UBAP1: variants seen among roughly 807,000 people sequenced by gnomAD.
UBAP1 encodes the protein ubiquitin associated protein 1.
UBAP1 carries 5 observed loss-of-function variants against 39.0 expected under a neutral mutation model. The ratio of observed to expected loss-of-function variants is 0.13; its 90% confidence interval spans 0.07 to 0.27. The LOEUF is 0.27. UBAP1 is among the 10% of genes least tolerant of loss of function. UBAP1 has a pLI of 1.00. For synonymous variants in UBAP1, 211 were observed against 225.1 expected, an observed-to-expected ratio of 0.94 and a Z score of 0.56; for missense variants, 490 against 608.1, an observed-to-expected ratio of 0.81 and a Z score of 2.04.
intron 1 of UBAP1, among the ~76,000 whole-genome samples, chr9:34,198,437 T>G (rs1229721699): frequency 6.6e-6 from 1 of 151,966 alleles, no homozygotes; most frequent in African/African-American, 2.4e-5. Flanking sequence ...TCCTGTGGAG[T>G]TGGAGTTTCA....
chr9:34,219,238 A>T (rs1327400348), intron 1 of UBAP1, among the ~76,000 whole-genome samples: 1 of 151,930 alleles, frequency 6.6e-6, no homozygotes, highest in Non-Finnish European at 1.5e-5. Flanking sequence ...ACAGGCATGC[A>T]ACACCACACC....
intron 3 of UBAP1, among the ~76,000 whole-genome samples, chr9:34,238,955 G>A (rs1290495844): frequency 6.6e-6 from 1 of 152,190 alleles, no homozygotes; most frequent in Non-Finnish European, 1.5e-5. Context: ...TGCTCACTGT[G>A]CTCATAGCAC....
chr9:34,193,360 C>T (rs904476323), intron 1 of UBAP1, among the ~76,000 whole-genome samples: 2 of 151,806 alleles, frequency 1.3e-5, no homozygotes, highest in African/African-American at 2.4e-5. Context: ...TCTCAAACCA[C>T]GTTCTTCCTC....
chr9:34,222,840 G>T lies in UBAP1; in HGVS notation c.34+1892G>T, dbSNP rs111434630. Among the ~76,000 whole-genome samples the T allele has an allele frequency of 5.2e-3, 784 of 151,328 alleles. 5 individuals carry two copies. Among genetic ancestry groups the T allele is most frequent in the African/African-American group, 0.018 (758 of 41,272 alleles). ...ATTCTTGCCACTGAGCTTAAGAAAA[G>T]AAAAAGGGAAAAAAAGGCAGATCTG... On this transcript the variant is annotated intron_variant, in intron 2 of 6. Coordinates refer to ENST00000297661, the MANE Select transcript of UBAP1 (RefSeq NM_016525.5).
At chr9:34,227,471 T>C (rs1041125862) in intron 2 of UBAP1, among the ~76,000 whole-genome samples, 1 of 152,224 alleles carries the variant, frequency 6.6e-6, no homozygotes, top group Non-Finnish European at 1.5e-5. Flanking sequence ...AATTAAATAT[T>C]ATGCATTTGC....
intron 3 of UBAP1, among the ~76,000 whole-genome samples, chr9:34,240,768 T>A (rs1219135997): frequency 1.3e-5 from 2 of 152,186 alleles, no homozygotes; most frequent in Non-Finnish European, 2.9e-5. Context: ...TGGTTGTAGA[T>A]CCTGTTAAGT....
intron 1 of UBAP1, among the ~76,000 whole-genome samples, chr9:34,207,675 A>T: frequency 6.7e-6 from 1 of 149,328 alleles, no homozygotes; most frequent in South Asian, 2.1e-4. Flanking sequence ...TTTTTTTTTA[A>T]AGAGATGGGA....
chr9:34,242,164 G>GT, intron 4 of UBAP1, 56 bp downstream of exon 4: 4 of 1,491,902 alleles, frequency 2.7e-6, no homozygotes, highest in Non-Finnish European at 2.7e-6. Context: ...CAGGGATTAT[G>GT]TTTTTTCTTG....
At chr9:34,224,076 G>A in intron 2 of UBAP1, 1 of 633,780 alleles carries the variant, frequency 1.6e-6, no homozygotes, top group Non-Finnish European at 2.7e-6. Context: ...CACTGTCCCG[G>A]CCTTGAAGTG....
intron 2 of UBAP1, among the ~76,000 whole-genome samples, chr9:34,231,131 G>GTC (rs1328660672): frequency 4.8e-5 from 2 of 41,740 alleles, no homozygotes; most frequent in African/African-American, 2.4e-4. Flanking sequence ...AAAATTATGT[G>GTC]TGTGTGTGTG....
At chr9:34,212,921 C>T (rs1832098680) in intron 1 of UBAP1, among the ~76,000 whole-genome samples, 1 of 152,150 alleles carries the variant, frequency 6.6e-6, no homozygotes, top group South Asian at 2.1e-4. Flanking sequence ...AGACTAATAT[C>T]CTTGATGAAC....
chr9:34,199,666 T>C (rs1831258475), intron 1 of UBAP1, among the ~76,000 whole-genome samples: 2 of 151,846 alleles, frequency 1.3e-5, no homozygotes, highest in Admixed American at 6.6e-5. Context: ...CAGGGTCTCA[T>C]TGTGTCTCCC....
intron 3 of UBAP1, among the ~76,000 whole-genome samples, chr9:34,238,711 T>C (rs1295575074): frequency 6.6e-6 from 1 of 152,210 alleles, no homozygotes; most frequent in Non-Finnish European, 1.5e-5. Context: ...TGTAACGTTT[T>C]TCCATGTTTT....
Position 34,241,680 on chromosome 9 carries a change from G to T in UBAP1, c.655G>T (p.Glu219Ter). 6.2e-7 allele frequency: 1 copy of T among 1,614,016 alleles called. No homozygotes were observed. Among genetic ancestry groups the T allele is most frequent in the Non-Finnish European group, 8.5e-7 (1 of 1,180,002 alleles). Residue 219 changes from glutamate to a stop codon, truncating the protein, a stop_gained, in exon 4 of 7, where the codon GAA (glutamate) becomes TAA (stop). Coordinates refer to ENST00000297661, the MANE Select transcript of UBAP1 (RefSeq NM_016525.5). LOFTEE classifies it high-confidence loss of function. Reference protein sequence around the residue: ...LQDEEVLASLERATLDFKPLH... With the variant: ...LQDEEVLASL ...GGATGAGGAGGTCCTGGCATCCTTG[G>T]AACGGGCAACCCTAGATTTCAAGCC...
intron 1 of UBAP1, among the ~76,000 whole-genome samples, chr9:34,192,481 C>CT (rs1830781707): frequency 6.9e-6 from 1 of 145,186 alleles, no homozygotes; most frequent in African/African-American, 2.6e-5. Context: ...CGCCACTGCA[C>CT]TCTAGCCTGG....
chr9:34,201,273 A>T (rs920131269), intron 1 of UBAP1: 1 of 152,102 alleles, frequency 6.6e-6, no homozygotes, highest in African/African-American at 2.4e-5. Context: ...TTGGCTGGGC[A>T]TGACTCATGC....
chr9:34,247,064 TA>T (rs1793656378), intron 4 of UBAP1, among the ~76,000 whole-genome samples: 1 of 152,170 alleles, frequency 6.6e-6, no homozygotes, highest in African/African-American at 2.4e-5. Context: ...TAATGGTGTT[TA>T]AAAAGTCATA....
At chr9:34,188,423 CTTTTTTTTTTTTT>C (rs34942688) in intron 1 of UBAP1, among the ~76,000 whole-genome samples, 2 of 117,210 alleles carry the variant, frequency 1.7e-5, no homozygotes, top group African/African-American at 6.5e-5. Flanking sequence ...TAGTCTTCAG[CTTTTTTTTTTTTT>C]TTTTTTTTTT....
intron 2 of UBAP1, chr9:34,224,383 T>C (rs147664097): frequency 2.3e-6 from 1 of 431,906 alleles, no homozygotes; most frequent in Non-Finnish European, 4.4e-6. Context: ...AAACGCATTG[T>C]AGACAACATC....
Sources: gnomAD v4.1 joint callset for allele counts (sites outside exome capture counted in the v4.1 genomes callset) on GRCh38, gnomAD v4.1.1 for gene constraint, MANE v1.5 for transcripts, NCBI Gene and HGNC (gene_info 2026-07-23, HGNC 2026-07-21) for gene names.